Variants in BICD2 observed in about 807,000 individuals in gnomAD.
BICD2 encodes the protein protein bicaudal D homolog 2.
A neutral mutation model predicts 72.9 loss-of-function variants in BICD2; 25 were observed. The ratio of observed to expected loss-of-function variants is 0.34; its 90% CI spans 0.25 to 0.48. BICD2 has a LOEUF of 0.48. Ranked by LOEUF, BICD2 falls within the 20% of genes least tolerant of loss-of-function variation. The pLI, the probability that BICD2 is intolerant of heterozygous loss-of-function variation, is 0.99. For synonymous variants in BICD2, 501 were observed against 516.1 expected, an observed-to-expected ratio of 0.97 and a Z score of 0.40; for missense variants, 894 against 1,175.2, an observed-to-expected ratio of 0.76 and a Z score of 3.50.
At chr9:92,728,006 T>C (rs1458325223) in intron 2 of BICD2, among the ~76,000 whole-genome samples, 1 of 152,210 alleles carries the variant, frequency 6.6e-6, no homozygotes, top group South Asian at 2.1e-4. Flanking sequence ...AATTAAAATA[T>C]GTGCCAGTCA....
Position 92,720,775 on chromosome 9 carries a change from C to T in BICD2, c.607-20G>A, listed in dbSNP as rs1197220175. On this transcript the variant is annotated intron_variant, in intron 3 of 6. Transcript: ENST00000356884. The surrounding 1 kb of genome is among the most constrained non-coding windows in gnomAD (Gnocchi z 5.4). ...CTCCACCTGGGAAGAGAAGTCAACG[C>T]TCTTGCATCAATGCAATGTGGAAGC... is the stretch of plus-strand genomic sequence containing the variant. 4 of 1,607,800 alleles carry T rather than the reference C, an allele frequency of 2.5e-6. No individual in the cohort carries two copies. Among genetic ancestry groups the T allele is most frequent in the African/African-American group, 1.3e-5 (1 of 74,628 alleles).
chr9:92,756,451 C>T (rs995089695), intron 1 of BICD2, among the ~76,000 whole-genome samples: 8 of 151,512 alleles, frequency 5.3e-5, no homozygotes, highest in South Asian at 4.1e-4. Flanking sequence ...TTAGTAGAGA[C>T]GGGGTTTCAC....
chr9:92,758,287 C>A (rs1302846584), intron 1 of BICD2, among the ~76,000 whole-genome samples: 1 of 151,578 alleles, frequency 6.6e-6, no homozygotes, highest in Non-Finnish European at 1.5e-5. Flanking sequence ...CGCAGTGGCT[C>A]ACGCCTGTAA....
rs572215734 is a variant in BICD2, at chr9:92,761,361, G to A, written c.240+3144C>T. On this transcript the variant is annotated intron_variant, in intron 1 of 6. Coordinates refer to ENST00000356884, the MANE Select transcript of BICD2 (RefSeq NM_001003800.2). ...AGAAGACCTACGAAGCACTTGCTGC[G>A]TGTTGGGTGCTGTGCCCAGTCCAAC... 3.3e-5 allele frequency among the ~76,000 whole-genome samples: 5 copies of A among 152,324 alleles called. No individual in the cohort carries two copies. In the South Asian group the frequency reaches 8.3e-4, roughly 25 times the overall value.
At chr9:92,758,550 T>C (rs1224057591) in intron 1 of BICD2, among the ~76,000 whole-genome samples, 31 of 9,534 alleles carry the variant, frequency 3.3e-3, no homozygotes, top group Non-Finnish European at 5.8e-3. Flanking sequence ...AGACTCCGTC[T>C]CAAAAAAAAA....
intron 1 of BICD2, among the ~76,000 whole-genome samples, chr9:92,758,855 A>AG (rs1564074712): frequency 7.7e-6 from 1 of 129,856 alleles, no homozygotes; most frequent in African/African-American, 3.8e-5. Flanking sequence ...ACTCCGTCTC[A>AG]AAAAAAAAAA....
rs1310503067 is a variant in BICD2, at chr9:92,713,633, T to C, written c.*1521A>G. On this transcript the variant is annotated 3_prime_UTR_variant, in exon 7 of 7. Coordinates refer to ENST00000356884, the MANE Select transcript of BICD2 (RefSeq NM_001003800.2). ...TGGCTTGGGTGTCTGCAAAGTCCCT[T>C]AGGAGTATGGAGAGAAGCTATGTGC... The C allele has an allele frequency of 3.4e-6, 5 of 1,492,072 alleles. No homozygotes were observed. Among genetic ancestry groups the C allele is most frequent in the Non-Finnish European group, 4.5e-6 (5 of 1,114,346 alleles). 92.4% of individuals were successfully genotyped at this position (1,492,072 alleles called of 1,614,324 possible). A position where few individuals can be genotyped will look rare whatever the true frequency, so the allele number is the denominator to read the frequency against.
rs377156663 is a variant in BICD2 at position 92,729,122 on chromosome 9, G to T, written c.355C>A (p.Leu119Ile). 27 of 1,614,130 alleles carry T rather than the reference G, an allele frequency of 1.7e-5. No homozygotes were observed. The highest frequency in any genetic ancestry group is 2.1e-5 in the Non-Finnish European group (25 of 1,180,058). The stretch of plus-strand genomic sequence containing the variant: ...TGCTTCAGCTCCGTCTGCAGCTCTA[G>T]CACCTTCCGCACGTAGTACTGCTCC... Reference protein sequence around the residue: ...SKEQYYVRKVLELQTELKQLR... With the variant: ...SKEQYYVRKVIELQTELKQLR... The change falls in exon 2 of 7, where the codon CTA becomes ATA. Residue 119 changes from leucine to isoleucine, a missense_variant. Physicochemically the swap from Leu to Ile is conservative, Grantham distance 5 (BLOSUM62 2). Transcript: ENST00000356884.
intron 1 of BICD2, among the ~76,000 whole-genome samples, chr9:92,746,879 C>A (rs975521605): frequency 6.6e-6 from 1 of 152,164 alleles, no homozygotes; most frequent in African/African-American, 2.4e-5. Context: ...TGCACAACTG[C>A]GTGTGGTCTT....
chr9:92,751,688 G>A (rs1854152540), intron 1 of BICD2, among the ~76,000 whole-genome samples: 1 of 152,134 alleles, frequency 6.6e-6, no homozygotes, highest in Non-Finnish European at 1.5e-5. Flanking sequence ...TGGTAAGAAC[G>A]ATCTACGTGG....
At chr9:92,739,082 G>C (rs1853846606) in intron 1 of BICD2, among the ~76,000 whole-genome samples, 1 of 152,160 alleles carries the variant, frequency 6.6e-6, no homozygotes, top group Non-Finnish European at 1.5e-5. Context: ...CCCACCACCT[G>C]CTAAGGTGGA....
In BICD2 at chr9:92,713,384, G is replaced by A; in HGVS notation, c.*1770C>T. 6.6e-7 allele frequency: 1 copy of A among 1,509,568 alleles called. No individual in the cohort carries two copies. 93.5% of individuals were successfully genotyped at this position (1,509,568 alleles called of 1,614,324 possible). A position where few individuals can be genotyped will look rare whatever the true frequency, so the allele number is the denominator to read the frequency against. ...TAGGTTGCCCTTCCTTCCTCCTTGT[G>A]GGCCACGAGAGGGAAGGGGAAGGGG... On this transcript the variant is annotated 3_prime_UTR_variant, in exon 7 of 7. Coordinates refer to ENST00000356884, the MANE Select transcript of BICD2 (RefSeq NM_001003800.2).
rs921861613 is a variant in BICD2, at chr9:92,764,303, C to T, written c.240+202G>A. On this transcript the variant is annotated intron_variant, in intron 1 of 6. Coordinates refer to ENST00000356884, the MANE Select transcript of BICD2 (RefSeq NM_001003800.2). This position sits in a 1 kb window ranked among gnomAD's most constrained non-coding sequence, Gnocchi z 5.5. Reference sequence around the variant, plus strand: ...CAAGGCGCCCGGACCCCTGCATTAGCGGCGTCTGCAACGGCCGCGGCACCG... The same window carrying T: ...CAAGGCGCCCGGACCCCTGCATTAGTGGCGTCTGCAACGGCCGCGGCACCG... 6.7e-4 allele frequency among the ~76,000 whole-genome samples: 102 copies of T among 152,286 alleles called. No individual in the cohort carries two copies. The highest frequency in any genetic ancestry group is 2.3e-3 in the African/African-American group (96 of 41,566).
rs373817977 is a variant in BICD2 at position 92,715,139 on chromosome 9, G to A, written c.*15C>T. 2.2e-5 allele frequency: 34 copies of A among 1,555,808 alleles called. No homozygotes were observed. Among genetic ancestry groups the A allele is most frequent in the African/African-American group, 1.2e-4 (9 of 73,752 alleles). On this transcript the variant is annotated 3_prime_UTR_variant, in exon 7 of 7. Transcript: ENST00000356884. ...GAAGCAGATGTTAGCTGCAGCGTGCGGCGCCCCACAGCCCCTAATCACAGT... is the reference window on the plus strand; with the variant it reads ...GAAGCAGATGTTAGCTGCAGCGTGCAGCGCCCCACAGCCCCTAATCACAGT...
chr9:92,742,113 G>A (rs1853908420), intron 1 of BICD2, among the ~76,000 whole-genome samples: 1 of 152,214 alleles, frequency 6.6e-6, no homozygotes, highest in Non-Finnish European at 1.5e-5. Context: ...GATTCCTTGA[G>A]TTGTCATGTA....
intron 1 of BICD2, among the ~76,000 whole-genome samples, chr9:92,742,551 A>C (rs1225637296): frequency 6.6e-6 from 1 of 151,686 alleles, no homozygotes; most frequent in African/African-American, 2.4e-5. Flanking sequence ...TGCCTGGCTA[A>C]TTTTTTGTAT....
chr9:92,758,336 G>A (rs1288247885), intron 1 of BICD2, among the ~76,000 whole-genome samples: 34 of 151,814 alleles, frequency 2.2e-4, no homozygotes, highest in Non-Finnish European at 4.1e-4. Context: ...CAGATCACCC[G>A]AGGTCAGGAG....
chr9:92,760,496 C>T (rs1449555473), intron 1 of BICD2, among the ~76,000 whole-genome samples: 2 of 152,198 alleles, frequency 1.3e-5, no homozygotes, highest in Non-Finnish European at 2.9e-5. Context: ...AGCACCAGGG[C>T]TCGATGTGGG....
intron 1 of BICD2, among the ~76,000 whole-genome samples, chr9:92,741,564 AG>A (rs1371501062): frequency 2.8e-4 from 43 of 152,270 alleles, no homozygotes; most frequent in Admixed American, 2.8e-3. Flanking sequence ...GCACTTGAAA[AG>A]TGGATGTGGT....
Sources: allele counts gnomAD v4.1 joint callset (sites outside exome capture counted in the v4.1 genomes callset), GRCh38; gene constraint gnomAD v4.1.1; non-coding constraint Gnocchi (gnomAD v3.1); transcripts MANE v1.5; gene names NCBI Gene and HGNC (gene_info 2026-07-23, HGNC 2026-07-21).